Variants in SCEL observed in about 807,000 individuals in gnomAD.
SCEL encodes the protein sciellin.
A neutral mutation model predicts 117.6 loss-of-function variants in SCEL; 113 were observed. The ratio of observed to expected loss-of-function variants is 0.96; its 90% CI spans 0.83 to 1.12. The LOEUF (loss-of-function observed/expected upper bound fraction) is 1.12. SCEL is among the 50% of genes most tolerant of loss of function. SCEL has a pLI of 0.00. For synonymous variants in SCEL, 270 were observed against 256.2 expected (o/e 1.05, Z -0.51); for missense variants, 785 against 810.8 (o/e 0.97, Z 0.39).
chr13:77,612,431 C>A (rs12869646), intron 22 of SCEL, among the ~76,000 whole-genome samples: 195 of 139,132 alleles, frequency 1.4e-3, no homozygotes, highest in Non-Finnish European at 2.5e-3. Context: ...AACTTAGAAT[C>A]AGAAAATAAC....
At position 77,593,566 on chromosome 13, in the gene SCEL, G is replaced by C; in HGVS notation, c.745G>C (p.Asp249His). Reference protein sequence around the residue: ...VKVATSLQRSDKGEELDNLIK... With the variant: ...VKVATSLQRSHKGEELDNLIK... ...AGTGGCCACTTCACTTCAGAGAAGT[G>C]ACAAAGGGTGAGATCTCAGAGCTTT... Residue 249 changes from aspartate (D) to histidine (H), a missense_variant, in exon 12 of 33, where the codon GAC (aspartate) becomes CAC (histidine). Physicochemically the swap from Asp to His is moderately conservative, Grantham distance 81 (BLOSUM62 -1). Transcript: ENST00000349847. 1 of 1,612,514 alleles carries C rather than the reference G, an allele frequency of 6.2e-7. No homozygotes were observed.
intron 1 of SCEL, among the ~76,000 whole-genome samples, chr13:77,554,638 A>G (rs1443957921): frequency 6.6e-6 from 1 of 152,228 alleles, no homozygotes; most frequent in Admixed American, 6.5e-5. Flanking sequence ...TTGATAGTTT[A>G]ACAAAGTAGT....
chr13:77,636,393 A>T (rs755891203), intron 29 of SCEL, among the ~76,000 whole-genome samples: 1 of 152,206 alleles, frequency 6.6e-6, no homozygotes, highest in African/African-American at 2.4e-5. Flanking sequence ...GGAGAGAAAG[A>T]TAGGTTTCTC....
At chr13:77,624,929 C>G (rs1410009674) in intron 27 of SCEL, among the ~76,000 whole-genome samples, 1 of 152,144 alleles carries the variant, frequency 6.6e-6, no homozygotes, top group African/African-American at 2.4e-5. Context: ...TAAATTAATT[C>G]CACAAATATT....
chr13:77,568,146 T>G, intron 6 of SCEL, 149 bp from the exon 7 acceptor site: 1 of 610,526 alleles, frequency 1.6e-6, no homozygotes, highest in Non-Finnish European at 2.8e-6. Flanking sequence ...CATGAAATCA[T>G]CTTATGAAAT....
At chr13:77,562,068 T>C (rs1216180085) in intron 4 of SCEL, among the ~76,000 whole-genome samples, 4 of 152,212 alleles carry the variant, frequency 2.6e-5, no homozygotes, top group Admixed American at 2.6e-4. Context: ...CAAATAAGGA[T>C]GACAGCCAAA....
chr13:77,633,552 CTTGAT>C (rs1161249862), intron 28 of SCEL, among the ~76,000 whole-genome samples: 2 of 151,022 alleles, frequency 1.3e-5, no homozygotes, highest in South Asian at 2.1e-4. Flanking sequence ...TTCTAGTGAC[CTTGAT>C]TTGAAGTGCA....
chr13:77,589,440 G>A (rs940012943), intron 10 of SCEL, among the ~76,000 whole-genome samples: 3 of 152,092 alleles, frequency 2.0e-5, no homozygotes. Flanking sequence ...AAGAAAATAT[G>A]CCTTCAAGAT....
intron 9 of SCEL, among the ~76,000 whole-genome samples, chr13:77,587,761 T>C (rs2154399706): frequency 6.6e-6 from 1 of 152,344 alleles, no homozygotes; most frequent in African/African-American, 2.4e-5. Context: ...CCTGATTCTT[T>C]TGCTGTTTTC....
chr13:77,592,015 T>C (rs1456744517), intron 11 of SCEL, among the ~76,000 whole-genome samples: 1 of 152,136 alleles, frequency 6.6e-6, no homozygotes, highest in African/African-American at 2.4e-5. Flanking sequence ...TGTGTCTTCT[T>C]TTTCTCCCTT....
At chr13:77,617,247 CTTAG>C (rs1306355197) in intron 24 of SCEL, among the ~76,000 whole-genome samples, 1 of 151,920 alleles carries the variant, frequency 6.6e-6, no homozygotes. Context: ...AAGTGATGTC[CTTAG>C]TTGGTGAACC....
chr13:77,637,236 A>G (rs1307721005), intron 30 of SCEL, 42 bp downstream of exon 30: 1 of 786,624 alleles, frequency 1.3e-6, no homozygotes. Context: ...GTACACACAT[A>G]CAGACACACA....
intron 9 of SCEL, among the ~76,000 whole-genome samples, chr13:77,588,407 C>T (rs17067987): frequency 0.13 from 20,252 of 152,032 alleles, 1,433 homozygotes; most frequent in Non-Finnish European, 0.15. Context: ...GTTCTTTTAC[C>T]AGGTACAGAG....
chr13:77,630,054 G>T (rs1488128679), intron 28 of SCEL, among the ~76,000 whole-genome samples: 1 of 152,108 alleles, frequency 6.6e-6, no homozygotes, highest in Non-Finnish European at 1.5e-5. Flanking sequence ...CTGGCTTTGG[G>T]GAAAACAGGT....
intron 1 of SCEL, among the ~76,000 whole-genome samples, chr13:77,536,758 G>A (rs2154392504): frequency 6.6e-6 from 1 of 152,286 alleles, no homozygotes; most frequent in South Asian, 2.1e-4. Flanking sequence ...CTCCAGAGAG[G>A]TGCCCCCACA....
chr13:77,634,309 G>GA (rs2090169630), intron 28 of SCEL, 70 bp from the exon 29 acceptor site: 1 of 1,248,662 alleles, frequency 8.0e-7, no homozygotes, highest in East Asian at 2.4e-5. Flanking sequence ...CATTGAATTA[G>GA]AAAATAGCCT....
intron 24 of SCEL, among the ~76,000 whole-genome samples, chr13:77,615,245 A>T (rs553390689): frequency 3.9e-5 from 6 of 152,212 alleles, no homozygotes; most frequent in African/African-American, 1.2e-4. Context: ...TCATTTACAG[A>T]TGAGAATACT....
chr13:77,621,900 G>A (rs561483146), intron 27 of SCEL, among the ~76,000 whole-genome samples: 5 of 152,098 alleles, frequency 3.3e-5, no homozygotes, highest in African/African-American at 4.8e-5. Flanking sequence ...GAAATTCTTG[G>A]TCGCATCTTA....
chr13:77,538,115 C>CTTTT (rs35197581), intron 1 of SCEL, among the ~76,000 whole-genome samples: 3 of 128,954 alleles, frequency 2.3e-5, no homozygotes, highest in African/African-American at 8.5e-5. Flanking sequence ...AATCAAAAGT[C>CTTTT]TTTTTTTTTT....
Sources: gnomAD v4.1 joint callset for allele counts (sites outside exome capture counted in the v4.1 genomes callset) on GRCh38, gnomAD v4.1.1 for gene constraint, MANE v1.5 for transcripts, NCBI Gene and HGNC (gene_info 2026-07-23, HGNC 2026-07-21) for gene names.